Variants in CMIP observed in about 807,000 individuals in gnomAD.
CMIP encodes C-Maf-inducing protein.
In CMIP, 13 loss-of-function variants were observed where a neutral mutation model predicts 97.3. The ratio of observed to expected loss-of-function variants is 0.13; its 90% CI spans 0.09 to 0.21. The LOEUF (loss-of-function observed/expected upper bound fraction) is 0.21, where lower values mean the gene tolerates loss of function less well. CMIP is among the 10% of genes least tolerant of loss of function. The probability of loss-of-function intolerance (pLI) is 1.00; values close to 1 mark genes in which losing one functional copy is unlikely to be tolerated. For missense variants in CMIP, 847 were observed against 1,024.9 expected (o/e 0.83, Z 2.37); for synonymous variants, 538 against 436.3 (o/e 1.23, Z -2.91).
At chr16:81,605,633 G>A (rs928300035) in intron 1 of CMIP, among the ~76,000 whole-genome samples, 2 of 152,106 alleles carry the variant, frequency 1.3e-5, no homozygotes, top group Non-Finnish European at 2.9e-5. Flanking sequence ...GCTCCTCCTT[G>A]AACACTCCCA....
chr16:81,643,487 C>G (rs969098948), intron 3 of CMIP, among the ~76,000 whole-genome samples: 5 of 152,140 alleles, frequency 3.3e-5, no homozygotes, highest in African/African-American at 1.2e-4. Context: ...CTGAAGTGTT[C>G]ACTGTAAATG....
rs781630891 is a variant in CMIP, at chr16:81,657,780, A to G, written c.645A>G (p.Thr215=). ...EIVSKLLSEN[T]NLTTQEHENI... is the part of the protein sequence containing the mutation. ...GTCTCCATTCAATCCTTTAGAACAC[A>G]AACTTGACCACCCAGGAGCATGAAA... The change falls in exon 5 of 21, where the codon ACA becomes ACG. Residue 215 remains threonine (T), a synonymous_variant. Coordinates refer to ENST00000537098, the MANE Select transcript of CMIP (RefSeq NM_198390.3). 28 of 1,607,502 alleles carry G rather than the reference A, an allele frequency of 1.7e-5. No homozygotes were observed. The highest frequency in any genetic ancestry group is 2.1e-5 in the Non-Finnish European group (25 of 1,177,224).
chr16:81,575,838 A>G (rs2091179652), intron 1 of CMIP, among the ~76,000 whole-genome samples: 1 of 152,172 alleles, frequency 6.6e-6, no homozygotes, highest in Non-Finnish European at 1.5e-5. Flanking sequence ...AAGGGCAGAG[A>G]ACTTTTTCTG....
chr16:81,542,573 A>G (rs557271289), intron 1 of CMIP, among the ~76,000 whole-genome samples: 2 of 152,240 alleles, frequency 1.3e-5, no homozygotes, highest in South Asian at 4.1e-4. Context: ...ATAACAAAAC[A>G]CCATAGACTG....
chr16:81,511,077 C>T (rs2089801524), intron 1 of CMIP, among the ~76,000 whole-genome samples: 1 of 152,104 alleles, frequency 6.6e-6, no homozygotes, highest in African/African-American at 2.4e-5. Context: ...AATGAACCCC[C>T]ATGTACTCAT....
intron 1 of CMIP, among the ~76,000 whole-genome samples, chr16:81,600,002 C>T (rs919085164): frequency 6.6e-6 from 1 of 151,980 alleles, no homozygotes; most frequent in Non-Finnish European, 1.5e-5. Context: ...AGATATATGG[C>T]AGCAGTGGTG....
intron 1 of CMIP, among the ~76,000 whole-genome samples, chr16:81,545,124 C>A (rs1392459999): frequency 6.6e-6 from 1 of 152,194 alleles, no homozygotes; most frequent in Non-Finnish European, 1.5e-5. Context: ...GTTCCCCTTT[C>A]CGCTTTCCCT....
At chr16:81,643,993 C>G (rs896010630) in intron 3 of CMIP, among the ~76,000 whole-genome samples, 1 of 152,068 alleles carries the variant, frequency 6.6e-6, no homozygotes, top group African/African-American at 2.4e-5. Context: ...TTGTCCCTAC[C>G]AAGCCTGGGG....
intron 1 of CMIP, among the ~76,000 whole-genome samples, chr16:81,593,597 C>G (rs2091499433): frequency 6.6e-6 from 1 of 152,220 alleles, no homozygotes; most frequent in South Asian, 2.1e-4. Context: ...AGCATTTCAG[C>G]AAAGCTCTTT....
At position 81,707,182 on chromosome 16, in the gene CMIP, G is replaced by A. The variant is rs2151109791; in HGVS notation, c.2268+98G>A. On this transcript the variant is annotated intron_variant, in intron 20 of 20. Coordinates refer to ENST00000537098, the MANE Select transcript of CMIP (RefSeq NM_198390.3). ...TGCACAGAGCTCGTTCTCCAGTAAA[G>A]GATGATGACATCTACAGATCAATAC... is the stretch of plus-strand genomic sequence containing the variant. 14 of 949,454 alleles carry A rather than the reference G, an allele frequency of 1.5e-5. No individual in the cohort carries two copies. In the South Asian group the frequency reaches 1.9e-4, roughly 13 times the overall value. The allele number at this position is 949,454 out of a possible 1,614,324, so 58.8% of individuals were successfully genotyped here.
intron 3 of CMIP, among the ~76,000 whole-genome samples, chr16:81,649,885 G>A (rs1261354273): frequency 6.6e-6 from 1 of 152,192 alleles, no homozygotes; most frequent in African/African-American, 2.4e-5. Flanking sequence ...AGACTCTGAG[G>A]CTCAAAGGAG....
chr16:81,692,944 G>T (rs1315797256), intron 11 of CMIP, among the ~76,000 whole-genome samples: 1 of 152,214 alleles, frequency 6.6e-6, no homozygotes, highest in Admixed American at 6.5e-5. Context: ...GGGGGGCCCA[G>T]TGTGTTCATG....
At chr16:81,449,914 G>T (rs1015508515) in intron 1 of CMIP, among the ~76,000 whole-genome samples, 1 of 152,248 alleles carries the variant, frequency 6.6e-6, no homozygotes, top group African/African-American at 2.4e-5. Context: ...TGAGATGCCT[G>T]TTCCGGCCAC....
chr16:81,667,795 A>AGTGTGT (rs1201342935), intron 7 of CMIP, among the ~76,000 whole-genome samples: 112 of 68,064 alleles, frequency 1.6e-3, no homozygotes, highest in African/African-American at 4.0e-3. Flanking sequence ...AGAGAGAGAG[A>AGTGTGT]GAGAGTGTGT....
At chr16:81,596,241 C>CA (rs1448913157) in intron 1 of CMIP, among the ~76,000 whole-genome samples, 1 of 152,106 alleles carries the variant, frequency 6.6e-6, no homozygotes, top group Non-Finnish European at 1.5e-5. Context: ...CATGGTGGCT[C>CA]ACGCCTGTAA....
chr16:81,548,577 G>A (rs946051508), intron 1 of CMIP, among the ~76,000 whole-genome samples: 1 of 151,908 alleles, frequency 6.6e-6, no homozygotes, highest in Non-Finnish European at 1.5e-5. Context: ...GTGGTGGCAT[G>A]CACCTGTAAT....
intron 1 of CMIP, among the ~76,000 whole-genome samples, chr16:81,445,964 TAAAA>T (rs547486946): frequency 3.4e-4 from 49 of 145,366 alleles, no homozygotes; most frequent in African/African-American, 1.1e-3. Context: ...CCCTCAGATT[TAAAA>T]AAAAAAACAA....
At chr16:81,451,179 G>A (rs1906187210) in intron 1 of CMIP, among the ~76,000 whole-genome samples, 1 of 152,176 alleles carries the variant, frequency 6.6e-6, no homozygotes, top group South Asian at 2.1e-4. Context: ...TGTGTTGTGG[G>A]AGGGACCCAG....
chr16:81,638,548 G>A (rs775781886), intron 3 of CMIP, among the ~76,000 whole-genome samples: 7 of 151,988 alleles, frequency 4.6e-5, no homozygotes, highest in East Asian at 1.9e-4. Flanking sequence ...CCGAGGCGAC[G>A]CTCCTTATTG....
Sources: allele counts gnomAD v4.1 joint callset (sites outside exome capture counted in the v4.1 genomes callset), GRCh38; gene constraint gnomAD v4.1.1; transcripts MANE v1.5; gene names NCBI Gene and HGNC (gene_info 2026-07-23, HGNC 2026-07-21).